Variants in CLYBL observed in about 807,000 individuals in gnomAD.
CLYBL encodes the protein citramalyl-CoA lyase.
A neutral mutation model predicts 38.9 loss-of-function variants in CLYBL; 31 were observed. The ratio of observed to expected loss-of-function variants is 0.80; its 90% CI spans 0.60 to 1.08. The LOEUF (loss-of-function observed/expected upper bound fraction) is 1.08, where lower values mean the gene tolerates loss of function less well. Ranked by LOEUF, CLYBL falls within the 50% of genes least tolerant of loss-of-function variation. CLYBL has a pLI of 0.00. For missense variants in CLYBL, 434 were observed against 411.6 expected, an observed-to-expected ratio of 1.05 and a Z score of -0.47; for synonymous variants, 171 against 158.6, an observed-to-expected ratio of 1.08 and a Z score of -0.59.
intron 1 of CLYBL, among the ~76,000 whole-genome samples, chr13:99,741,372 A>C (rs1427979384): frequency 6.6e-6 from 1 of 152,170 alleles, no homozygotes; most frequent in East Asian, 1.9e-4. Context: ...TCACCTTACC[A>C]GGCCACTAGA....
At chr13:99,754,808 G>A (rs892115078) in intron 1 of CLYBL, among the ~76,000 whole-genome samples, 8 of 142,866 alleles carry the variant, frequency 5.6e-5, no homozygotes, top group Non-Finnish European at 1.2e-4. Context: ...TGGCCAGACT[G>A]GTCTCGAACT....
chr13:99,796,360 C>T (rs2050022403), intron 2 of CLYBL, among the ~76,000 whole-genome samples: 1 of 152,120 alleles, frequency 6.6e-6, no homozygotes, highest in East Asian at 1.9e-4. Context: ...ATAGTTCCTT[C>T]CAGCCTCTCC....
At chr13:99,611,411 G>A (rs940120706) in intron 1 of CLYBL, among the ~76,000 whole-genome samples, 1 of 152,142 alleles carries the variant, frequency 6.6e-6, no homozygotes, top group African/African-American at 2.4e-5. Context: ...TGATCATAAG[G>A]CTTTTCTTCT....
intron 1 of CLYBL, among the ~76,000 whole-genome samples, chr13:99,669,646 A>G (rs1443649213): frequency 6.6e-6 from 1 of 152,112 alleles, no homozygotes; most frequent in Admixed American, 6.6e-5. Flanking sequence ...TGGATGTTGT[A>G]CATTTTCTTT....
intron 2 of CLYBL, among the ~76,000 whole-genome samples, chr13:99,829,594 AGAAAG>A (rs1436078686): frequency 6.6e-6 from 1 of 152,224 alleles, no homozygotes; most frequent in African/African-American, 2.4e-5. Context: ...ATTGAGCACT[AGAAAG>A]GAAGTGAGGA....
chr13:99,857,914 CAT>C (rs546547221), intron 2 of CLYBL, among the ~76,000 whole-genome samples: 70 of 152,258 alleles, frequency 4.6e-4, no homozygotes, highest in African/African-American at 1.6e-3. Context: ...GATAAGTGTT[CAT>C]TCTGACAATG....
chr13:99,873,314 G>C (rs2139264268), intron 7 of CLYBL, among the ~76,000 whole-genome samples: 1 of 152,328 alleles, frequency 6.6e-6, no homozygotes, highest in African/African-American at 2.4e-5. Flanking sequence ...GGTTCTGTTT[G>C]TAAAGATTTT....
chr13:99,829,859 G>A (rs1380739350), intron 2 of CLYBL, among the ~76,000 whole-genome samples: 1 of 152,182 alleles, frequency 6.6e-6, no homozygotes, highest in Non-Finnish European at 1.5e-5. Flanking sequence ...CTCCGTGAGA[G>A]CGGAGAGCCT....
At chr13:99,791,285 C>G (rs1053833256) in intron 2 of CLYBL, among the ~76,000 whole-genome samples, 10 of 152,130 alleles carry the variant, frequency 6.6e-5, no homozygotes, top group African/African-American at 2.2e-4. Context: ...CACCACCCAC[C>G]ACAGGGCCAG....
At chr13:99,751,734 A>G (rs9513656) in intron 1 of CLYBL, among the ~76,000 whole-genome samples, 31,444 of 152,140 alleles carry the variant, frequency 0.21, 3,561 homozygotes, top group East Asian at 0.34. Flanking sequence ...CTGGAGATAG[A>G]TGGTGGTGGT....
At chr13:99,843,482 A>G (rs527575519) in intron 2 of CLYBL, among the ~76,000 whole-genome samples, 1 of 152,318 alleles carries the variant, frequency 6.6e-6, no homozygotes, top group East Asian at 1.9e-4. Context: ...TATAAGTTCC[A>G]TGTAGGCAGG....
Position 99,811,361 on chromosome 13 carries a change from G to A in CLYBL, c.249+38351G>A, listed in dbSNP as rs570174708. 6.6e-5 allele frequency among the ~76,000 whole-genome samples: 10 copies of A among 152,316 alleles called. No homozygotes were observed. The South Asian group carries it at 2.1e-3, about 32-fold the overall frequency. ...GGGCCACCTGGGAAGGGAGGCCTCA[G>A]CCAGGCAGTAATAATAAAACCGGAC... On this transcript the variant is annotated intron_variant, in intron 2 of 8. Coordinates refer to ENST00000339105, the MANE Select transcript of CLYBL (RefSeq NM_206808.5).
chr13:99,722,143 A>G (rs1050700336), intron 1 of CLYBL, among the ~76,000 whole-genome samples: 7 of 152,168 alleles, frequency 4.6e-5, no homozygotes, highest in Non-Finnish European at 1.0e-4. Flanking sequence ...TTCTTTGGTG[A>G]GCATGGTTCT....
At chr13:99,658,134 A>T (rs770496773) in intron 1 of CLYBL, among the ~76,000 whole-genome samples, 10 of 152,226 alleles carry the variant, frequency 6.6e-5, no homozygotes, top group Admixed American at 1.3e-4. Context: ...ATGTGCGAGC[A>T]GAAGGCCGCC....
At chr13:99,830,366 C>T (rs1028710) in intron 2 of CLYBL, among the ~76,000 whole-genome samples, 74,334 of 152,002 alleles carry the variant, frequency 0.49, 18,408 homozygotes, top group Middle Eastern at 0.57. Flanking sequence ...ACGGGAAGGA[C>T]AGGCACTGAC....
chr13:99,664,491 T>G (rs960676138), intron 1 of CLYBL, among the ~76,000 whole-genome samples: 1 of 152,210 alleles, frequency 6.6e-6, no homozygotes, highest in African/African-American at 2.4e-5. Context: ...TATAAAAATA[T>G]TAAATTGCTA....
intron 1 of CLYBL, among the ~76,000 whole-genome samples, chr13:99,771,020 C>CTTTTTTTTTTTTTTTTTTTTTTTTTTTT (rs546998940): frequency 8.3e-6 from 1 of 120,242 alleles, no homozygotes; most frequent in Non-Finnish European, 1.6e-5. Context: ...ACGCGGGGCC[C>CTTTTTTTTTTTTTTTTTTTTTTTTTTTT]TTTTTTTTTT....
In CLYBL at chr13:99,724,389, G is replaced by A. The variant is rs80013316; in HGVS notation, c.63-48435G>A. ...ATAATCTTGCATATTAAACCGAAGC[G>A]TGGAATCAACAAACACTTTGAGGAA... On this transcript the variant is annotated intron_variant, in intron 1 of 8. Transcript: ENST00000339105. Among the ~76,000 whole-genome samples, 1,336 of 152,176 alleles carry A rather than the reference G, an allele frequency of 8.8e-3. 21 individuals carry two copies. Among genetic ancestry groups the A allele is most frequent in the African/African-American group, 0.031 (1,268 of 41,502 alleles).
Position 99,805,233 on chromosome 13 carries a change from C to A in CLYBL, c.249+32223C>A, listed in dbSNP as rs566063744. On this transcript the variant is annotated intron_variant, in intron 2 of 8. Transcript: ENST00000339105. ...TTGTTGCCATGAACATGGGTGTACA[C>A]GTGTCTGTTCGAGTCCCTGCTTTAA... Among the ~76,000 whole-genome samples the A allele has an allele frequency of 5.9e-5, 9 of 152,214 alleles. No homozygotes were observed. In the East Asian group the frequency reaches 9.6e-4, roughly 16 times the overall value.
Sources: allele counts gnomAD v4.1 joint callset (sites outside exome capture counted in the v4.1 genomes callset), GRCh38; gene constraint gnomAD v4.1.1; transcripts MANE v1.5; gene names NCBI Gene and HGNC (gene_info 2026-07-23, HGNC 2026-07-21).